PTPRN2: variants seen among roughly 807,000 people sequenced by gnomAD.
PTPRN2 encodes the protein receptor-type tyrosine-protein phosphatase N2.
A neutral mutation model predicts 118.8 loss-of-function variants in PTPRN2; 74 were observed. That is an observed-to-expected ratio of 0.62 (90% CI 0.52 to 0.76). The LOEUF is 0.76. PTPRN2 is among the 30% of genes least tolerant of loss of function. The probability of loss-of-function intolerance (pLI) is 0.00; values close to 1 mark genes in which losing one functional copy is unlikely to be tolerated. For missense variants in PTPRN2, 1,481 were observed against 1,394.4 expected (o/e 1.06, Z -0.99); for synonymous variants, 641 against 608.0 (o/e 1.05, Z -0.80).
intron 10 of PTPRN2, among the ~76,000 whole-genome samples, chr7:158,082,002 T>C (rs1307295636): frequency 6.6e-6 from 1 of 152,146 alleles, no homozygotes; most frequent in Admixed American, 6.6e-5. Context: ...CCTACAGCCA[T>C]CTCAAAATGA....
At chr7:157,891,127 C>T (rs374536216) in intron 12 of PTPRN2, among the ~76,000 whole-genome samples, 144 of 152,314 alleles carry the variant, frequency 9.5e-4, no homozygotes, top group African/African-American at 3.1e-3. Context: ...AAATCTGCAT[C>T]TTGACAAGAC....
At chr7:158,342,214 TCACTCA>T (rs1389900586) in intron 2 of PTPRN2, among the ~76,000 whole-genome samples, 5 of 106,122 alleles carry the variant, frequency 4.7e-5, no homozygotes, top group Admixed American at 1.1e-4. Flanking sequence ...CCCACACACG[TCACTCA>T]CACTCACACT....
chr7:157,723,087 A>C (rs540234740), intron 12 of PTPRN2, among the ~76,000 whole-genome samples: 4 of 152,252 alleles, frequency 2.6e-5, no homozygotes, highest in African/African-American at 9.6e-5. Flanking sequence ...TTGGAAGCAC[A>C]AAATTGAATT....
intron 4 of PTPRN2, among the ~76,000 whole-genome samples, chr7:158,193,261 G>A (rs896216000): frequency 1.4e-4 from 22 of 152,206 alleles, no homozygotes; most frequent in African/African-American, 4.6e-4. Context: ...GGGGCCCCAT[G>A]GGACAGCTGC....
At chr7:157,631,819 G>C (rs1449486516) in intron 14 of PTPRN2, among the ~76,000 whole-genome samples, 1 of 147,968 alleles carries the variant, frequency 6.8e-6, no homozygotes, top group African/African-American at 2.6e-5. Context: ...GCGACAGAGC[G>C]AGACTCCGTC....
intron 12 of PTPRN2, among the ~76,000 whole-genome samples, chr7:157,775,541 G>C (rs188817016): frequency 6.6e-6 from 1 of 152,232 alleles, no homozygotes; most frequent in African/African-American, 2.4e-5. Context: ...CGTGGAGCAC[G>C]CCCGGGGCAC....
At chr7:158,272,104 C>T (rs754373511) in intron 3 of PTPRN2, among the ~76,000 whole-genome samples, 17 of 152,196 alleles carry the variant, frequency 1.1e-4, no homozygotes, top group African/African-American at 2.4e-4. Flanking sequence ...CCTCCTACAA[C>T]GTGAAAATGA....
intron 13 of PTPRN2, among the ~76,000 whole-genome samples, chr7:157,659,313 G>A: frequency 8.3e-6 from 1 of 120,116 alleles, no homozygotes; most frequent in East Asian, 2.8e-4. Flanking sequence ...GACGGGGGGG[G>A]ATGACCCCGG....
At chr7:158,330,703 A>G (rs1217076090) in intron 2 of PTPRN2, among the ~76,000 whole-genome samples, 4 of 112,658 alleles carry the variant, frequency 3.6e-5, no homozygotes, top group African/African-American at 8.5e-5. Context: ...TCACATCCAT[A>G]CTCTCACCAT....
intron 21 of PTPRN2, among the ~76,000 whole-genome samples, chr7:157,564,216 C>T (rs1231401294): frequency 6.6e-6 from 1 of 152,216 alleles, no homozygotes; most frequent in Admixed American, 6.5e-5. Flanking sequence ...ACTGCAACCT[C>T]CGCCTCCCGG....
rs546993585 is a variant in PTPRN2, at chr7:157,779,286, C to T, written c.1789-96349G>A. Among the ~76,000 whole-genome samples, 4 of 152,306 alleles carry T rather than the reference C, an allele frequency of 2.6e-5. No individual in the cohort carries two copies. The highest frequency in any genetic ancestry group is 1.9e-4 in the East Asian group (1 of 5,170). On this transcript the variant is annotated intron_variant, in intron 12 of 22. Transcript: ENST00000389418. This position sits in a 1 kb window ranked among gnomAD's most constrained non-coding sequence, Gnocchi z 4.7. ...GGGCAAGGTCAGCAAGGCATGTGCT[C>T]GGTGGAGGAGGCCTAACTGTTGCTA...
chr7:158,328,781 CG>C (rs1343888435), intron 2 of PTPRN2, among the ~76,000 whole-genome samples: 1 of 123,626 alleles, frequency 8.1e-6, no homozygotes, highest in Non-Finnish European at 1.6e-5. Context: ...TCACTAGGAG[CG>C]GGGCCTCCAT....
chr7:158,086,217 G>A lies in PTPRN2; in HGVS notation c.1644-4840C>T, dbSNP rs550103209. Among the ~76,000 whole-genome samples, 225 of 152,092 alleles carry A rather than the reference G, an allele frequency of 1.5e-3. 1 individual carries two copies. The highest frequency in any genetic ancestry group is 6.8e-3 in the Middle Eastern group (2 of 294). ...GAGAGACTGAGCTGCAGAATCCTCTGCTGAGGGGGAGTTAGGAACAGGTAG... is the reference window on the plus strand; with the variant it reads ...GAGAGACTGAGCTGCAGAATCCTCTACTGAGGGGGAGTTAGGAACAGGTAG... On this transcript the variant is annotated intron_variant, in intron 10 of 22. Coordinates refer to ENST00000389418, the MANE Select transcript of PTPRN2 (RefSeq NM_002847.5).
rs1810851863 is a variant in PTPRN2 at position 157,868,431 on chromosome 7, G to C, written c.1788+30242C>G. On this transcript the variant is annotated intron_variant, in intron 12 of 22. Coordinates refer to ENST00000389418, the MANE Select transcript of PTPRN2 (RefSeq NM_002847.5). The surrounding 1 kb of genome is among the most constrained non-coding windows in gnomAD (Gnocchi z 5.2). ...GCCCAGCTGTAGGAAAGCAGACCCA[G>C]CCTCTGGATTAAAACCATGCCTGGA... 6.6e-6 allele frequency: 1 copy of C among 152,272 alleles called. No homozygotes were observed. 9.4% of individuals were successfully genotyped at this position (152,272 alleles called of 1,614,324 possible).
chr7:157,558,852 T>C (rs1799034792), intron 21 of PTPRN2, among the ~76,000 whole-genome samples: 1 of 152,202 alleles, frequency 6.6e-6, no homozygotes, highest in African/African-American at 2.4e-5. Context: ...GTGCCTGGGC[T>C]GGGGACAGGG....
chr7:157,890,682 G>A (rs936556162), intron 12 of PTPRN2, among the ~76,000 whole-genome samples: 2 of 152,198 alleles, frequency 1.3e-5, no homozygotes, highest in African/African-American at 4.8e-5. Flanking sequence ...GACTTAGGAT[G>A]TGATTGGAAC....
chr7:157,849,679 G>C (rs748066825), intron 12 of PTPRN2, among the ~76,000 whole-genome samples: 1 of 152,216 alleles, frequency 6.6e-6, no homozygotes, highest in Non-Finnish European at 1.5e-5. Flanking sequence ...CCTGGCCAGG[G>C]ACATTTACGG....
chr7:158,313,311 C>A (rs570537537), intron 3 of PTPRN2, among the ~76,000 whole-genome samples: 13 of 152,338 alleles, frequency 8.5e-5, no homozygotes, highest in Middle Eastern at 6.8e-3. Context: ...AATGCCCACC[C>A]CAGGACACAC....
At chr7:157,614,886 C>G (rs1333655914) in intron 15 of PTPRN2, among the ~76,000 whole-genome samples, 1 of 152,238 alleles carries the variant, frequency 6.6e-6, no homozygotes, top group East Asian at 1.9e-4. Flanking sequence ...TGGGGAAATG[C>G]AATTCTGTGG....
Sources: allele counts gnomAD v4.1 joint callset (sites outside exome capture counted in the v4.1 genomes callset), GRCh38; gene constraint gnomAD v4.1.1; non-coding constraint Gnocchi (gnomAD v3.1); transcripts MANE v1.5; gene names NCBI Gene and HGNC (gene_info 2026-07-23, HGNC 2026-07-21).